PRDM6: variants seen among roughly 807,000 people sequenced by gnomAD.
PRDM6 encodes PR/SET domain 6.
In PRDM6, 25 loss-of-function variants were observed where a neutral mutation model predicts 60.8. The ratio of observed to expected loss-of-function variants is 0.41; its 90% CI spans 0.30 to 0.57. PRDM6 has a LOEUF of 0.57. Ranked by LOEUF, PRDM6 falls within the 20% of genes least tolerant of loss-of-function variation. The pLI is 0.27. For synonymous variants in PRDM6, 407 were observed against 357.4 expected (o/e 1.14, Z -1.57); for missense variants, 839 against 821.3 (o/e 1.02, Z -0.26).
chr5:123,179,999 T>C, intron 6 of PRDM6, 148 bp from the exon 7 acceptor site: 1 of 702,222 alleles, frequency 1.4e-6, no homozygotes, highest in Non-Finnish European at 2.3e-6. Context: ...ACAAGTAAAG[T>C]AGTGGGAATC....
chr5:123,090,553 A>G lies in PRDM6; in HGVS notation c.539A>G (p.Gln180Arg). The change falls in exon 2 of 8, where the codon CAG becomes CGG. Residue 180 changes from glutamine (Q) to arginine (R), a missense_variant. Transcript: ENST00000407847. Reference sequence around the variant, plus strand: ...GAGCTGGACTATTACCTGTATGGCCAGCAGCGCATGGAGATCATCCCGCTC... The same window carrying G: ...GAGCTGGACTATTACCTGTATGGCCGGCAGCGCATGGAGATCATCCCGCTC... ...AEELDYYLYG[Q>R]QRMEIIPLNQ... is the part of the protein sequence containing the mutation. The G allele has an allele frequency of 6.6e-7, 1 of 1,525,374 alleles. No homozygotes were observed. The highest frequency in any genetic ancestry group is 8.7e-7 in the Non-Finnish European group (1 of 1,143,606). 94.5% of individuals were successfully genotyped at this position (1,525,374 alleles called of 1,614,324 possible). A position where few individuals can be genotyped will look rare whatever the true frequency, so the allele number is the denominator to read the frequency against.
At chr5:123,183,874 T>C (rs1766222429) in intron 7 of PRDM6, among the ~76,000 whole-genome samples, 1 of 152,192 alleles carries the variant, frequency 6.6e-6, no homozygotes, top group Non-Finnish European at 1.5e-5. Context: ...AGGATCTGTG[T>C]GAGCTGCCCG....
At chr5:123,154,639 A>C (rs901027990) in intron 3 of PRDM6, among the ~76,000 whole-genome samples, 6 of 152,220 alleles carry the variant, frequency 3.9e-5, no homozygotes, top group African/African-American at 1.4e-4. Flanking sequence ...CTAAACTAAT[A>C]TGAATGACCA....
At chr5:123,093,148 C>T (rs1763879633) in intron 2 of PRDM6, among the ~76,000 whole-genome samples, 1 of 152,140 alleles carries the variant, frequency 6.6e-6, no homozygotes, top group African/African-American at 2.4e-5. Context: ...TACCATCTCC[C>T]TCTAAAAGAA....
intron 6 of PRDM6, among the ~76,000 whole-genome samples, chr5:123,176,693 A>G (rs766274068): frequency 5.9e-5 from 9 of 152,224 alleles, no homozygotes; most frequent in Non-Finnish European, 1.0e-4. Flanking sequence ...AGCCTGGGCA[A>G]CAGAGCGAGA....
chr5:123,168,268 C>T (rs775071045), intron 5 of PRDM6, among the ~76,000 whole-genome samples: 13 of 151,764 alleles, frequency 8.6e-5, no homozygotes, highest in Non-Finnish European at 1.5e-4. Flanking sequence ...ATATGTATAA[C>T]GTAAGTATAT....
At chr5:123,106,972 C>T (rs1764210201) in intron 3 of PRDM6, among the ~76,000 whole-genome samples, 1 of 152,200 alleles carries the variant, frequency 6.6e-6, no homozygotes, top group Non-Finnish European at 1.5e-5. Flanking sequence ...TACTCTTCCC[C>T]CCACCCTGCT....
At chr5:123,095,076 C>G (rs550614507) in intron 2 of PRDM6, among the ~76,000 whole-genome samples, 2 of 152,326 alleles carry the variant, frequency 1.3e-5, no homozygotes, top group South Asian at 4.1e-4. Flanking sequence ...CCCGCAGGGT[C>G]GAGACTGAAA....
chr5:123,159,421 G>A, intron 4 of PRDM6, 93 bp from the exon 5 acceptor site: 1 of 1,376,146 alleles, frequency 7.3e-7, no homozygotes, highest in Non-Finnish European at 9.8e-7. Flanking sequence ...TTTAGATGGA[G>A]CTGCGTAGAA....
intron 4 of PRDM6, 112 bp downstream of exon 4, chr5:123,156,123 C>A: frequency 1.9e-6 from 2 of 1,071,008 alleles, no homozygotes; most frequent in Non-Finnish European, 2.6e-6. Flanking sequence ...TCTGCAAGGA[C>A]TGGCAGACAT....
chr5:123,098,218 C>T (rs539728646), intron 2 of PRDM6, among the ~76,000 whole-genome samples: 2 of 152,272 alleles, frequency 1.3e-5, no homozygotes, highest in Non-Finnish European at 2.9e-5. Flanking sequence ...ACCCGGGTGC[C>T]CCGAGGGCCA....
rs796611008 is a variant in PRDM6 at position 123,142,891 on chromosome 5, A to C, written c.901-12993A>C. 2.0e-4 allele frequency among the ~76,000 whole-genome samples: 30 copies of C among 149,236 alleles called. No individual in the cohort carries two copies. The East Asian group carries it at 5.6e-3, about 28-fold the overall frequency. On this transcript the variant is annotated intron_variant, in intron 3 of 7. Transcript: ENST00000407847. ...ACAGTGAAGACCAAAAAAAAAAAAA[A>C]AAAAAAAAAAACAAACAAACCAAAG...
intron 2 of PRDM6, among the ~76,000 whole-genome samples, chr5:123,098,344 G>A (rs1195875514): frequency 6.6e-6 from 1 of 152,206 alleles, no homozygotes; most frequent in Non-Finnish European, 1.5e-5. Flanking sequence ...CGGGGTCGCC[G>A]TGGCTCCTCA....
Position 123,166,978 on chromosome 5 carries a change from G to A in PRDM6, c.1154-3788G>A, listed in dbSNP as rs576879599. Among the ~76,000 whole-genome samples the A allele has an allele frequency of 1.2e-4, 19 of 152,190 alleles. No individual in the cohort carries two copies. In the South Asian group the frequency reaches 1.9e-3, roughly 15 times the overall value. On this transcript the variant is annotated intron_variant, in intron 5 of 7. Transcript: ENST00000407847. ...ATAACCCATCTCTGCACCTTTTGCCGTTGTCTATGTTGTCTTTCTTGTGTT... is the reference window on the plus strand; with the variant it reads ...ATAACCCATCTCTGCACCTTTTGCCATTGTCTATGTTGTCTTTCTTGTGTT...
At chr5:123,184,232 C>G (rs1209926552) in intron 7 of PRDM6, among the ~76,000 whole-genome samples, 1 of 152,152 alleles carries the variant, frequency 6.6e-6, no homozygotes, top group Non-Finnish European at 1.5e-5. Context: ...GGTAACAGAA[C>G]TTGACATCGC....
At chr5:123,116,024 C>G (rs1686815908) in intron 3 of PRDM6, among the ~76,000 whole-genome samples, 1 of 152,152 alleles carries the variant, frequency 6.6e-6, no homozygotes, top group South Asian at 2.1e-4. Context: ...TTTTAATTTA[C>G]AAGAGATTTC....
rs13182369 is a variant in PRDM6 at position 123,090,137 on chromosome 5, G to T, written c.123G>T (p.Ala41=). ...GAGPLKGSGA[A]GLLSAPQPLQ... ...GCCCGCTCAAGGGCAGCGGCGCCGC[G>T]GGTCTCCTGAGCGCGCCGCAGCCTC... Residue 41 remains alanine (A), a synonymous_variant, in exon 2 of 8, where the codon GCG becomes GCT. Coordinates refer to ENST00000407847, the MANE Select transcript of PRDM6 (RefSeq NM_001136239.4). The T allele has an allele frequency of 0.34, 526,514 of 1,534,948 alleles. 94,767 individuals carry two copies. The highest frequency in any genetic ancestry group is 0.37 in the Non-Finnish European group (427,334 of 1,140,782).
intron 5 of PRDM6, among the ~76,000 whole-genome samples, chr5:123,167,466 C>A (rs944450488): frequency 6.6e-6 from 1 of 152,072 alleles, no homozygotes; most frequent in African/African-American, 2.4e-5. Flanking sequence ...CTCGGCTCAC[C>A]GCAACCTCTG....
intron 2 of PRDM6, among the ~76,000 whole-genome samples, chr5:123,093,409 A>G (rs1763886938): frequency 6.6e-6 from 1 of 152,200 alleles, no homozygotes. Context: ...ATCTATGGTA[A>G]ATGTCACAGT....
Sources: allele counts gnomAD v4.1 joint callset (sites outside exome capture counted in the v4.1 genomes callset), GRCh38; gene constraint gnomAD v4.1.1; transcripts MANE v1.5; gene names NCBI Gene and HGNC (gene_info 2026-07-23, HGNC 2026-07-21).